MAPK10: variants seen among roughly 807,000 people sequenced by gnomAD.
MAPK10 encodes JNK3 alpha protein kinase.
A neutral mutation model predicts 59.3 loss-of-function variants in MAPK10; 25 were observed. The observed-to-expected ratio is 0.42, with a 90% CI of 0.31 to 0.59. MAPK10 has a LOEUF of 0.59. Ranked by LOEUF, MAPK10 falls within the 20% of genes least tolerant of loss-of-function variation. The probability of loss-of-function intolerance (pLI) is 0.15; values close to 1 mark genes in which losing one functional copy is unlikely to be tolerated. For synonymous variants in MAPK10, 190 were observed against 200.5 expected (o/e 0.95, Z 0.44); for missense variants, 351 against 568.9 (o/e 0.62, Z 3.90).
chr4:86,066,752 CAAA>C (rs60413311), intron 10 of MAPK10, among the ~76,000 whole-genome samples: 25,700 of 86,024 alleles, frequency 0.3, 1,659 homozygotes, highest in Non-Finnish European at 0.33. Context: ...GACTCTGTCT[CAAA>C]AAAAAAAAAA....
chr4:86,401,976 C>A (rs1743784489), intron 1 of MAPK10, among the ~76,000 whole-genome samples: 1 of 152,090 alleles, frequency 6.6e-6, no homozygotes, highest in African/African-American at 2.4e-5. Context: ...CAGGGGTAGA[C>A]ACATGACTAG....
intron 2 of MAPK10, among the ~76,000 whole-genome samples, chr4:86,247,112 TA>T (rs1178505479): frequency 5.3e-5 from 8 of 152,138 alleles, no homozygotes; most frequent in Non-Finnish European, 1.0e-4. Flanking sequence ...GAAGCCAGCT[TA>T]AAGTAAAGAA....
chr4:86,342,255 G>T (rs1446077800), intron 2 of MAPK10, among the ~76,000 whole-genome samples: 2 of 152,150 alleles, frequency 1.3e-5, no homozygotes, highest in Non-Finnish European at 2.9e-5. Context: ...CTGTTAAAAT[G>T]ACTTCTCTAC....
In MAPK10 at chr4:86,537,491, G is replaced by A. The variant is rs1414548487; in HGVS notation, c.-263+56419C>T. Among the ~76,000 whole-genome samples the A allele has an allele frequency of 2.0e-5, 3 of 152,292 alleles. 1 individual carries two copies. Among genetic ancestry groups the A allele is most frequent in the South Asian group, 4.1e-4 (2 of 4,820 alleles). On this transcript the variant is annotated intron_variant, in intron 1 of 4. Coordinates refer to the MAPK10 transcript ENST00000502302. ...TACCATTCTTCCCCAAAGGAACCAGGGTTCCTTGGAGAAATGGCTGATTCA... is the reference window on the plus strand; with the variant it reads ...TACCATTCTTCCCCAAAGGAACCAGAGTTCCTTGGAGAAATGGCTGATTCA...
chr4:86,480,095 A>G (rs1387702684), intron 1 of MAPK10, among the ~76,000 whole-genome samples: 1 of 152,188 alleles, frequency 6.6e-6, no homozygotes, highest in African/African-American at 2.4e-5. Flanking sequence ...CTAAGCCATC[A>G]TATCCCCTGT....
chr4:86,054,504 T>C (rs1453905135), intron 11 of MAPK10, among the ~76,000 whole-genome samples: 1 of 152,160 alleles, frequency 6.6e-6, no homozygotes, highest in East Asian at 1.9e-4. Flanking sequence ...GCTGAAAGAA[T>C]ACATCAGCAT....
intron 1 of MAPK10, among the ~76,000 whole-genome samples, chr4:86,525,180 C>T (rs1358020081): frequency 6.6e-6 from 1 of 151,972 alleles, no homozygotes; most frequent in Non-Finnish European, 1.5e-5. Flanking sequence ...TCCTGTTGTC[C>T]CAACTACTTG....
At chr4:86,579,317 T>C (rs1352424419) in intron 1 of MAPK10, among the ~76,000 whole-genome samples, 1 of 152,184 alleles carries the variant, frequency 6.6e-6, no homozygotes, top group African/African-American at 2.4e-5. Flanking sequence ...AGGTACTTTT[T>C]GTTTTCTTTT....
chr4:86,414,799 T>C (rs1250116618), intron 1 of MAPK10, among the ~76,000 whole-genome samples: 1 of 152,116 alleles, frequency 6.6e-6, no homozygotes, highest in Non-Finnish European at 1.5e-5. Flanking sequence ...TTGGGTATTT[T>C]GGCAATCATC....
intron 2 of MAPK10, among the ~76,000 whole-genome samples, chr4:86,231,858 T>TGGC (rs2091597543): frequency 6.6e-6 from 1 of 152,178 alleles, no homozygotes; most frequent in Non-Finnish European, 1.5e-5. Flanking sequence ...TATTCCAACA[T>TGGC]GGCAACAGTA....
intron 3 of MAPK10, among the ~76,000 whole-genome samples, chr4:86,180,501 AAAG>A (rs201739408): frequency 0.083 from 12,008 of 144,616 alleles, 1,137 homozygotes; most frequent in African/African-American, 0.23. Flanking sequence ...AAAAAAAAAA[AAAG>A]AAGAAGAAAA....
At chr4:86,075,169 C>A (rs974420486) in intron 9 of MAPK10, among the ~76,000 whole-genome samples, 7 of 152,192 alleles carry the variant, frequency 4.6e-5, no homozygotes, top group Admixed American at 4.6e-4. Context: ...GATACCCTTT[C>A]TTCCAGTTGA....
At chr4:86,262,210 AG>A (rs2148744658) in intron 2 of MAPK10, among the ~76,000 whole-genome samples, 2 of 152,310 alleles carry the variant, frequency 1.3e-5, no homozygotes, top group East Asian at 3.9e-4. Flanking sequence ...TAGCTATCAC[AG>A]GAGTGGGTTT....
intron 2 of MAPK10, among the ~76,000 whole-genome samples, chr4:86,274,502 G>T (rs760746457): frequency 6.6e-6 from 1 of 150,616 alleles, no homozygotes. Flanking sequence ...CAGCTTTCTC[G>T]CCTCTCACTT....
chr4:86,052,329 G>C (rs2043718262), intron 11 of MAPK10, among the ~76,000 whole-genome samples: 2 of 151,994 alleles, frequency 1.3e-5, no homozygotes, highest in Middle Eastern at 3.2e-3. Flanking sequence ...CATTTTTGCA[G>C]TCCCCTCCCC....
At chr4:86,159,624 G>C (rs1189149285) in intron 3 of MAPK10, among the ~76,000 whole-genome samples, 157 bp from the exon 4 acceptor site, 1 of 151,932 alleles carries the variant, frequency 6.6e-6, no homozygotes, top group Admixed American at 6.6e-5. Flanking sequence ...ATCAGTCCAT[G>C]CAAGATTACC....
intron 4 of MAPK10, among the ~76,000 whole-genome samples, chr4:86,152,840 T>A (rs958153775): frequency 6.6e-6 from 1 of 152,166 alleles, no homozygotes; most frequent in East Asian, 1.9e-4. Context: ...GAGCAGTAAA[T>A]GAGAATGCTT....
At chr4:86,428,645 GC>G (rs1747625611) in intron 1 of MAPK10, among the ~76,000 whole-genome samples, 1 of 152,120 alleles carries the variant, frequency 6.6e-6, no homozygotes, top group African/African-American at 2.4e-5. Flanking sequence ...TTGTCCCTCT[GC>G]CTTGAGAAAA....
At chr4:86,061,725 T>G (rs144090876) in intron 11 of MAPK10, among the ~76,000 whole-genome samples, 262 of 152,256 alleles carry the variant, frequency 1.7e-3, no homozygotes, top group Non-Finnish European at 3.0e-3. Flanking sequence ...TGCCATTATT[T>G]CCATCCAATG....
Sources: gnomAD v4.1 joint callset for allele counts (sites outside exome capture counted in the v4.1 genomes callset) on GRCh38, gnomAD v4.1.1 for gene constraint, MANE v1.5 for transcripts, NCBI Gene and HGNC (gene_info 2026-07-23, HGNC 2026-07-21) for gene names.